The following ARHGAP39 variants were observed in gnomAD, a reference collection of about 807,000 sequenced individuals.
The protein encoded by ARHGAP39 is rho GTPase-activating protein 39.
Under a neutral mutation model 106.9 loss-of-function variants are expected in ARHGAP39, and 44 were observed. That is an observed-to-expected ratio of 0.41 (90% CI 0.32 to 0.53). The LOEUF (loss-of-function observed/expected upper bound fraction) is 0.53, where lower values mean the gene tolerates loss of function less well. ARHGAP39 is among the 20% of genes least tolerant of loss of function. The pLI, the probability that ARHGAP39 is intolerant of heterozygous loss-of-function variation, is 0.21. For missense variants in ARHGAP39, 1,496 were observed against 1,577.3 expected (o/e 0.95, Z 0.87); for synonymous variants, 768 against 693.2 (o/e 1.11, Z -1.69).
At chr8:144,533,702 G>C (rs879819226) in intron 8 of ARHGAP39, among the ~76,000 whole-genome samples, 2 of 152,240 alleles carry the variant, frequency 1.3e-5, no homozygotes, top group Admixed American at 1.3e-4. Context: ...CTGTTGGGGA[G>C]CACAGCAGAG....
chr8:144,662,698 A>C (rs1253438815), intron 1 of ARHGAP39, among the ~76,000 whole-genome samples: 1 of 123,808 alleles, frequency 8.1e-6, no homozygotes, highest in Non-Finnish European at 1.7e-5. Context: ...CCCACTCCCT[A>C]TTATCCACCT....
intron 1 of ARHGAP39, among the ~76,000 whole-genome samples, chr8:144,652,677 CAT>C (rs1045415227): frequency 4.6e-5 from 7 of 152,022 alleles, no homozygotes; most frequent in Non-Finnish European, 1.0e-4. Context: ...CCAAATACCA[CAT>C]GTTCTCACTT....
At chr8:144,538,972 C>T (rs1817076240) in intron 6 of ARHGAP39, among the ~76,000 whole-genome samples, 1 of 123,494 alleles carries the variant, frequency 8.1e-6, no homozygotes, top group African/African-American at 2.5e-5. Flanking sequence ...CTTCCGCTGG[C>T]CCCTGTGTCC....
rs1004970975 is a variant in ARHGAP39 at position 144,530,071 on chromosome 8, G to A, written c.*351C>T. 1 of 277,578 alleles carries A rather than the reference G, an allele frequency of 3.6e-6. No homozygotes were observed. Among genetic ancestry groups the A allele is most frequent in the Non-Finnish European group, 6.8e-6 (1 of 146,796 alleles). The allele number at this position is 277,578 out of a possible 1,614,324, so 17.2% of individuals were successfully genotyped here. On this transcript the variant is annotated 3_prime_UTR_variant, in exon 12 of 12. Transcript: ENST00000377307. ...CTGGGCAAGGCCCAGGCCAGGGCGC[G>A]CAGGAGCCACAGGGAGGCAGCCCGG...
chr8:144,656,632 C>T (rs549917330), intron 1 of ARHGAP39, among the ~76,000 whole-genome samples: 2 of 151,870 alleles, frequency 1.3e-5, no homozygotes, highest in African/African-American at 4.8e-5. Context: ...CATGGCAAAA[C>T]CCTGTCTCTA....
At chr8:144,580,503 G>C (rs1818931331) in intron 3 of ARHGAP39, among the ~76,000 whole-genome samples, 1 of 152,216 alleles carries the variant, frequency 6.6e-6, no homozygotes, top group Admixed American at 6.5e-5. Flanking sequence ...GGGGACAGCA[G>C]CGGTGGCTGC....
intron 1 of ARHGAP39, among the ~76,000 whole-genome samples, chr8:144,632,652 AAC>A (rs1242417329): frequency 6.6e-6 from 1 of 152,188 alleles, no homozygotes; most frequent in African/African-American, 2.4e-5. Flanking sequence ...CAACTGGCCA[AAC>A]ACACTCTCCA....
intron 1 of ARHGAP39, among the ~76,000 whole-genome samples, chr8:144,613,589 G>T (rs1284716345): frequency 6.8e-6 from 1 of 146,174 alleles, no homozygotes. Flanking sequence ...CTGTGTCTTT[G>T]TTCCTTCATA....
At chr8:144,664,271 G>A (rs555359737) in intron 1 of ARHGAP39, among the ~76,000 whole-genome samples, 3 of 152,200 alleles carry the variant, frequency 2.0e-5, no homozygotes, top group Non-Finnish European at 2.9e-5. Flanking sequence ...GGGTTGCTGC[G>A]GTCAGCTCCT....
intron 1 of ARHGAP39, among the ~76,000 whole-genome samples, chr8:144,658,553 G>A (rs1189107861): frequency 6.6e-6 from 1 of 152,190 alleles, no homozygotes; most frequent in Non-Finnish European, 1.5e-5. Flanking sequence ...GGGATTATAG[G>A]TGTGAGCTAC....
At position 144,534,215 on chromosome 8, in the gene ARHGAP39, G is replaced by A. The variant is rs998142916; in HGVS notation, c.2615-13C>T. ...CTTATCGCCACCCCTGGAAAGGAAA[G>A]GGGCCTGATCAGCCTGATGTGGGTG... On this transcript the variant is annotated splice_polypyrimidine_tract_variant and intron_variant, in intron 7 of 11. Coordinates refer to ENST00000377307, the MANE Select transcript of ARHGAP39 (RefSeq NM_025251.3). The A allele has an allele frequency of 2.5e-6, 4 of 1,613,476 alleles. No homozygotes were observed. Among genetic ancestry groups the A allele is most frequent in the East Asian group, 2.2e-5 (1 of 44,870 alleles).
chr8:144,648,681 C>T (rs1264616474), intron 1 of ARHGAP39, among the ~76,000 whole-genome samples: 1 of 152,208 alleles, frequency 6.6e-6, no homozygotes, highest in Non-Finnish European at 1.5e-5. Context: ...CCAGCTCAAC[C>T]CTAGCTTCCC....
At chr8:144,603,090 C>T (rs111206476) in intron 2 of ARHGAP39, among the ~76,000 whole-genome samples, 13,067 of 88,360 alleles carry the variant, frequency 0.15, 1,613 homozygotes, top group African/African-American at 0.37. Context: ...GAGGTGTGTG[C>T]GCGAGCTCAT....
rs1199140998 is a variant in ARHGAP39, at chr8:144,562,567, CACACTCCAGTGGTTTCCATT to C, written c.513-6944_513-6925del. On this transcript the variant is annotated intron_variant, in intron 3 of 11. Transcript: ENST00000377307. ...TCCATCACACTCCAGTGGTTTCCAT[CACACTCCAGTGGTTTCCATT>C]ACACTCCAGTGGTTTCCATCGGACT... is the stretch of plus-strand genomic sequence containing the variant. Among the ~76,000 whole-genome samples the C allele has an allele frequency of 4.5e-4, 68 of 149,550 alleles. 1 individual carries two copies. Among genetic ancestry groups the C allele is most frequent in the East Asian group, 9.7e-4 (5 of 5,172 alleles).
At chr8:144,659,127 T>G (rs1167152690) in intron 1 of ARHGAP39, among the ~76,000 whole-genome samples, 3 of 152,044 alleles carry the variant, frequency 2.0e-5, no homozygotes, top group East Asian at 3.9e-4. Context: ...TAAAGACAAA[T>G]CAACTCAGAG....
intron 2 of ARHGAP39, among the ~76,000 whole-genome samples, chr8:144,587,530 G>A (rs1586582829): frequency 6.6e-6 from 1 of 152,196 alleles, no homozygotes; most frequent in African/African-American, 2.4e-5. Context: ...ATAGAGGGAC[G>A]GAGCACAGGA....
Position 144,530,583 on chromosome 8 carries a change from T to C in ARHGAP39, c.3184A>G (p.Lys1062Glu). The C allele has an allele frequency of 6.4e-7, 1 of 1,554,856 alleles. No individual in the cohort carries two copies. Among genetic ancestry groups the C allele is most frequent in the Non-Finnish European group, 8.7e-7 (1 of 1,147,668 alleles). The change falls in exon 12 of 12, where the codon AAG becomes GAG. Residue 1062 changes from lysine (K) to glutamate (E), a missense_variant. Lys to Glu is a moderately conservative substitution (Grantham distance 56). Coordinates refer to ENST00000377307, the MANE Select transcript of ARHGAP39 (RefSeq NM_025251.3). ...FVQPANVAVT[K>E]MDVSNLAMVM... Reference sequence around the variant, plus strand: ...ATGGCCAGGTTGCTGACATCCATCTTGGTGACCGCGACGTTGGCCGGCTGC... The same window carrying C: ...ATGGCCAGGTTGCTGACATCCATCTCGGTGACCGCGACGTTGGCCGGCTGC...
At chr8:144,539,814 C>A (rs1817117846) in intron 6 of ARHGAP39, among the ~76,000 whole-genome samples, 1 of 152,214 alleles carries the variant, frequency 6.6e-6, no homozygotes, top group African/African-American at 2.4e-5. Flanking sequence ...AGCTTTATAA[C>A]AAGTCAGGTG....
intron 10 of ARHGAP39, among the ~76,000 whole-genome samples, chr8:144,531,266 A>T (rs866126861): frequency 0.18 from 9,055 of 50,932 alleles, 1,192 homozygotes; most frequent in Non-Finnish European, 0.26. Flanking sequence ...GCAGGTGGGG[A>T]GTGGGCTAGA....
Sources: gnomAD v4.1 joint callset for allele counts (sites outside exome capture counted in the v4.1 genomes callset) on GRCh38, gnomAD v4.1.1 for gene constraint, MANE v1.5 for transcripts, NCBI Gene and HGNC (gene_info 2026-07-23, HGNC 2026-07-21) for gene names.